The following COPS3 variants were observed in gnomAD, a reference collection of about 807,000 sequenced individuals.
COPS3 encodes COP9 signalosome subunit 3, also known as COP9 signalosome complex subunit 3.
A neutral mutation model predicts 58.2 loss-of-function variants in COPS3; 10 were observed. The observed-to-expected ratio is 0.17, with a 90% CI of 0.11 to 0.29. The LOEUF (loss-of-function observed/expected upper bound fraction) is 0.29. Ranked by LOEUF, COPS3 falls within the 10% of genes least tolerant of loss-of-function variation. The pLI, the probability that COPS3 is intolerant of heterozygous loss-of-function variation, is 1.00. For synonymous variants in COPS3, 187 were observed against 181.7 expected, an observed-to-expected ratio of 1.03 and a Z score of -0.24; for missense variants, 333 against 510.1, an observed-to-expected ratio of 0.65 and a Z score of 3.34.
chr17:17,247,076 T>C lies in COPS3; in HGVS notation c.*22A>G. ...GGCCAAGATGGTAGTTTCTCTTGTT[T>C]AGCTCAGGATGGATGTTAGTTTCAA... On this transcript the variant is annotated 3_prime_UTR_variant, in exon 12 of 12. Coordinates refer to ENST00000268717, the MANE Select transcript of COPS3 (RefSeq NM_003653.4). The C allele has an allele frequency of 6.2e-7, 1 of 1,609,630 alleles. No individual in the cohort carries two copies. Among genetic ancestry groups the C allele is most frequent in the East Asian group, 2.2e-5 (1 of 44,868 alleles).
intron 9 of COPS3, among the ~76,000 whole-genome samples, chr17:17,253,052 C>G (rs1015672273): frequency 1.3e-5 from 2 of 152,010 alleles, no homozygotes; most frequent in African/African-American, 4.8e-5. Context: ...ATAAAGAGAC[C>G]CTGCCTGTAC....
intron 9 of COPS3, among the ~76,000 whole-genome samples, chr17:17,251,985 C>T (rs201137030): frequency 5.3e-5 from 8 of 151,878 alleles, no homozygotes; most frequent in Admixed American, 2.6e-4. Context: ...AGGAGAATGG[C>T]GTGAACCTGG....
At chr17:17,263,686 G>A (rs550781530) in intron 6 of COPS3, among the ~76,000 whole-genome samples, 53 of 150,734 alleles carry the variant, frequency 3.5e-4, no homozygotes, top group African/African-American at 1.2e-3. Context: ...GCTAAATTTT[G>A]TATTTTTAGT....
At chr17:17,279,028 CCAT>C (rs141996620) in intron 1 of COPS3, among the ~76,000 whole-genome samples, 3,911 of 152,060 alleles carry the variant, frequency 0.026, 178 homozygotes, top group African/African-American at 0.089. Flanking sequence ...GCGCCCGCCA[CCAT>C]GCCTGGCTAA....
In COPS3 at chr17:17,267,732, G is replaced by A. The variant is rs138280772; in HGVS notation, c.441+153C>T. On this transcript the variant is annotated intron_variant, in intron 5 of 11. Coordinates refer to ENST00000268717, the MANE Select transcript of COPS3 (RefSeq NM_003653.4). ...ATCCTACAGTTTGCATCCAGCACCC[G>A]CCTGAATGTAATAGATGTACCTACA... is the stretch of plus-strand genomic sequence containing the variant. Among the ~76,000 whole-genome samples, 1,293 of 151,412 alleles carry A rather than the reference G, an allele frequency of 8.5e-3. 13 individuals are homozygous for A. The highest frequency in any genetic ancestry group is 0.029 in the Admixed American group (435 of 15,180).
At chr17:17,264,764 A>G in intron 6 of COPS3, 38 bp downstream of exon 6, 1 of 1,563,606 alleles carries the variant, frequency 6.4e-7, no homozygotes, top group Non-Finnish European at 8.7e-7. Context: ...TGATCACACA[A>G]GTTCAGAACA....
intron 4 of COPS3, among the ~76,000 whole-genome samples, chr17:17,268,239 T>G (rs1375248396): frequency 6.6e-6 from 1 of 152,166 alleles, no homozygotes; most frequent in African/African-American, 2.4e-5. Flanking sequence ...AGATCAATAA[T>G]CAAAAACAGT....
chr17:17,249,837 A>T (rs1017013402), intron 9 of COPS3, among the ~76,000 whole-genome samples: 1 of 152,198 alleles, frequency 6.6e-6, no homozygotes, highest in Non-Finnish European at 1.5e-5. Context: ...CATGTTGGCC[A>T]GGCTGGTTTC....
At chr17:17,260,569 C>T (rs1176478805) in intron 7 of COPS3, 95 bp from the exon 8 acceptor site, 36 of 1,206,242 alleles carry the variant, frequency 3.0e-5, no homozygotes, top group Middle Eastern at 2.0e-4. Context: ...TTTGGGAGGC[C>T]GAGGCGGACA....
chr17:17,255,127 C>G (rs781483159), intron 8 of COPS3, 182 bp from the exon 9 acceptor site: 1 of 471,040 alleles, frequency 2.1e-6, no homozygotes, highest in Non-Finnish European at 3.8e-6. Context: ...TGGTGAAACC[C>G]TGTCTCTACT....
chr17:17,273,958 A>C (rs1225814434), intron 2 of COPS3, among the ~76,000 whole-genome samples: 1 of 152,224 alleles, frequency 6.6e-6, no homozygotes, highest in Non-Finnish European at 1.5e-5. Context: ...TCGAGGCTAC[A>C]GTGAGCTATG....
chr17:17,261,361 C>T (rs2048095544), intron 7 of COPS3, among the ~76,000 whole-genome samples: 1 of 151,838 alleles, frequency 6.6e-6, no homozygotes, highest in African/African-American at 2.4e-5. Context: ...CACATCTCCA[C>T]TAAAAATACA....
At position 17,260,400 on chromosome 17, in the gene COPS3, C is replaced by G. The variant is rs367575161; in HGVS notation, c.837G>C (p.Val279=). The change falls in exon 8 of 12, where the codon GTG becomes GTC. Residue 279 remains valine, a synonymous_variant. Coordinates refer to ENST00000268717, the MANE Select transcript of COPS3 (RefSeq NM_003653.4). The part of the protein sequence containing the change: ...TNNPSELRNL[V]NKHSETFTRD... The stretch of plus-strand genomic sequence containing the variant: ...GAGTGAAGGTTTCACTGTGCTTATT[C>G]ACCAGGTTTCGGAGTTCTGAGGGGT... 3 of 1,614,050 alleles carry G rather than the reference C, an allele frequency of 1.9e-6. No individual in the cohort carries two copies. The African/African-American group carries it at 4.0e-5, about 22-fold the overall frequency.
intron 1 of COPS3, 134 bp downstream of exon 1, chr17:17,280,998 C>T (rs2048572814): frequency 2.7e-6 from 3 of 1,097,462 alleles, no homozygotes; most frequent in East Asian, 2.6e-5. Context: ...ATCTAAACGC[C>T]GCAACCCCAA....
intron 6 of COPS3, among the ~76,000 whole-genome samples, chr17:17,263,236 C>T (rs1597680155): frequency 6.7e-6 from 1 of 148,844 alleles, no homozygotes; most frequent in African/African-American, 2.5e-5. Context: ...TGCGGTGAGC[C>T]GAGATCGTGC....
chr17:17,279,080 G>A (rs935705523), intron 1 of COPS3, among the ~76,000 whole-genome samples: 1 of 151,992 alleles, frequency 6.6e-6, no homozygotes, highest in Non-Finnish European at 1.5e-5. Flanking sequence ...CACCATGTTG[G>A]CCAGGGTGGT....
At chr17:17,255,004 T>A in intron 8 of COPS3, 59 bp from the exon 9 acceptor site, 6 of 1,251,442 alleles carry the variant, frequency 4.8e-6, no homozygotes, top group African/African-American at 1.5e-5. Context: ...GACATTTTAT[T>A]AAATGTGTAC....
chr17:17,252,774 G>A (rs922868701), intron 9 of COPS3, among the ~76,000 whole-genome samples: 1 of 152,204 alleles, frequency 6.6e-6, no homozygotes, highest in Admixed American at 6.5e-5. Flanking sequence ...TGGGGAAAGC[G>A]TCTATAGCTT....
At chr17:17,280,833 G>T in intron 1 of COPS3, 2 of 1,219,212 alleles carry the variant, frequency 1.6e-6, no homozygotes, top group Non-Finnish European at 2.2e-6. Flanking sequence ...CCTGGCGGAA[G>T]TCACGCCCCC....
Sources: allele counts gnomAD v4.1 joint callset (sites outside exome capture counted in the v4.1 genomes callset), GRCh38; gene constraint gnomAD v4.1.1; transcripts MANE v1.5; gene names NCBI Gene and HGNC (gene_info 2026-07-23, HGNC 2026-07-21).